Variants in HCN1 observed in about 807,000 individuals in gnomAD.
HCN1 encodes the protein potassium/sodium hyperpolarization-activated cyclic nucleotide-gated channel 1.
HCN1 carries 13 observed loss-of-function variants against 78.9 expected under a neutral mutation model. That is an observed-to-expected ratio of 0.16 (90% CI 0.11 to 0.26). The LOEUF is 0.26. Among genes scored for constraint, HCN1 ranks in the 10% least tolerant of loss-of-function variants. The pLI is 1.00. For synonymous variants in HCN1, 552 were observed against 455.5 expected, an observed-to-expected ratio of 1.21 and a Z score of -2.70; for missense variants, 810 against 1,154.3, an observed-to-expected ratio of 0.70 and a Z score of 4.32.
intron 2 of HCN1, among the ~76,000 whole-genome samples, chr5:45,495,589 TA>T (rs1561176285): frequency 6.6e-6 from 1 of 152,206 alleles, no homozygotes. Context: ...GAATACACTT[TA>T]TTTCCTTCTC....
intron 3 of HCN1, among the ~76,000 whole-genome samples, chr5:45,441,100 T>C (rs182304585): frequency 6.6e-6 from 1 of 152,330 alleles, no homozygotes; most frequent in Admixed American, 6.5e-5. Flanking sequence ...GGATGGCATA[T>C]AGGAACTATT....
At chr5:45,627,355 C>T (rs530665159) in intron 2 of HCN1, among the ~76,000 whole-genome samples, 1 of 152,278 alleles carries the variant, frequency 6.6e-6, no homozygotes, top group South Asian at 2.1e-4. Context: ...GATATGATTG[C>T]ATGTGATCAG....
intron 2 of HCN1, among the ~76,000 whole-genome samples, chr5:45,507,347 C>G (rs1355498526): frequency 6.6e-6 from 1 of 152,136 alleles, no homozygotes; most frequent in African/African-American, 2.4e-5. Context: ...CCATGCAATG[C>G]TGCCACTGGC....
intron 2 of HCN1, among the ~76,000 whole-genome samples, chr5:45,500,666 C>T (rs567147150): frequency 2.6e-5 from 4 of 152,200 alleles, no homozygotes; most frequent in African/African-American, 7.2e-5. Flanking sequence ...AACATACAAC[C>T]TAACCCTTAT....
intron 1 of HCN1, among the ~76,000 whole-genome samples, chr5:45,687,751 C>T (rs1289697794): frequency 1.3e-5 from 2 of 152,120 alleles, no homozygotes; most frequent in African/African-American, 2.4e-5. Flanking sequence ...TCCATATTAA[C>T]CAATGCCATA....
intron 6 of HCN1, among the ~76,000 whole-genome samples, chr5:45,301,609 C>T (rs1488366615): frequency 1.3e-5 from 2 of 150,552 alleles, no homozygotes; most frequent in Non-Finnish European, 3.0e-5. Context: ...GTGGTCCCAG[C>T]TACTAGGGAG....
At chr5:45,590,280 A>C (rs1744332391) in intron 2 of HCN1, among the ~76,000 whole-genome samples, 5 of 152,204 alleles carry the variant, frequency 3.3e-5, no homozygotes, top group Admixed American at 1.3e-4. Flanking sequence ...AAAACAGTCC[A>C]AAAATGTTTC....
At chr5:45,522,182 C>T (rs1026194400) in intron 2 of HCN1, among the ~76,000 whole-genome samples, 2 of 151,782 alleles carry the variant, frequency 1.3e-5, no homozygotes, top group East Asian at 3.9e-4. Flanking sequence ...TAATTTTATT[C>T]CCCTAAGTTG....
At position 45,375,199 on chromosome 5, in the gene HCN1, A is replaced by T. The variant is rs1221017646; in HGVS notation, c.1230+21293T>A. Among the ~76,000 whole-genome samples the T allele has an allele frequency of 3.2e-3, 358 of 113,028 alleles. 1 individual carries two copies. Among genetic ancestry groups the T allele is most frequent in the Non-Finnish European group, 5.1e-3 (294 of 57,834 alleles). 74.2% of individuals were successfully genotyped at this position (113,028 alleles called of 152,430 possible). Reference sequence around the variant, plus strand: ...ATATATAATGTATTATATATAATATAATATTTTATAATATATAATATAATA... The same window carrying T: ...ATATATAATGTATTATATATAATATTATATTTTATAATATATAATATAATA... On this transcript the variant is annotated intron_variant, in intron 4 of 7. Transcript: ENST00000303230.
chr5:45,404,182 A>G (rs1371718981), intron 3 of HCN1, among the ~76,000 whole-genome samples: 2 of 152,166 alleles, frequency 1.3e-5, no homozygotes, highest in East Asian at 1.9e-4. Context: ...TTCTTGTGTT[A>G]CATGGCTATT....
intron 5 of HCN1, among the ~76,000 whole-genome samples, chr5:45,312,483 C>A (rs556295038): frequency 6.6e-6 from 1 of 152,102 alleles, no homozygotes; most frequent in African/African-American, 2.4e-5. Flanking sequence ...ACTGAGGTAC[C>A]GGGTTCATCT....
intron 2 of HCN1, among the ~76,000 whole-genome samples, chr5:45,621,576 C>G (rs181851381): frequency 6.6e-6 from 1 of 151,882 alleles, no homozygotes; most frequent in African/African-American, 2.4e-5. Context: ...ATTTATGAAC[C>G]CAAAAACATG....
chr5:45,516,519 T>G (rs886625978), intron 2 of HCN1, among the ~76,000 whole-genome samples: 2 of 151,996 alleles, frequency 1.3e-5, no homozygotes, highest in Non-Finnish European at 2.9e-5. Flanking sequence ...TAAATAAAAC[T>G]TCCTCCAATT....
chr5:45,659,413 G>C (rs1202076804), intron 1 of HCN1, among the ~76,000 whole-genome samples: 15 of 107,348 alleles, frequency 1.4e-4, no homozygotes, highest in African/African-American at 5.5e-4. Flanking sequence ...TCCTCCAAAG[G>C]AACGCAGTTC....
chr5:45,346,610 T>C (rs1424257768), intron 5 of HCN1, among the ~76,000 whole-genome samples: 2 of 152,064 alleles, frequency 1.3e-5, no homozygotes, highest in Non-Finnish European at 2.9e-5. Flanking sequence ...CCTTTCCTAG[T>C]CAAAGAAAGG....
intron 3 of HCN1, among the ~76,000 whole-genome samples, chr5:45,446,966 G>A (rs910523484): frequency 6.6e-6 from 1 of 151,904 alleles, no homozygotes; most frequent in African/African-American, 2.4e-5. Context: ...AGACTAGGAA[G>A]AAACTGCATC....
Position 45,260,958 on chromosome 5 carries a change from G to A in HCN1, c.*963C>T, listed in dbSNP as rs1744726688. ...TTGATTATGGCAAGAAGAAAGAAAA[G>A]TAACGATTTTTGGTGTAATACAAGC... On this transcript the variant is annotated 3_prime_UTR_variant, in exon 8 of 8. Coordinates refer to ENST00000303230, the MANE Select transcript of HCN1 (RefSeq NM_021072.4). The A allele has an allele frequency of 6.6e-6, 1 of 152,528 alleles. No homozygotes were observed. The highest frequency in any genetic ancestry group is 2.4e-5 in the African/African-American group (1 of 41,438). 9.4% of individuals were successfully genotyped at this position (152,528 alleles called of 1,614,324 possible).
intron 2 of HCN1, among the ~76,000 whole-genome samples, chr5:45,491,859 G>T (rs1741891832): frequency 6.6e-6 from 1 of 152,036 alleles, no homozygotes; most frequent in Non-Finnish European, 1.5e-5. Context: ...CTAGGCTGGG[G>T]TTCTCTATTT....
intron 2 of HCN1, among the ~76,000 whole-genome samples, chr5:45,510,490 AT>A (rs1396332811): frequency 6.6e-6 from 1 of 152,068 alleles, no homozygotes; most frequent in African/African-American, 2.4e-5. Flanking sequence ...ATCAATCTTT[AT>A]TTGATTAGAG....
Sources: allele counts gnomAD v4.1 joint callset (sites outside exome capture counted in the v4.1 genomes callset), GRCh38; gene constraint gnomAD v4.1.1; transcripts MANE v1.5; gene names NCBI Gene and HGNC (gene_info 2026-07-23, HGNC 2026-07-21).